The following CYTH3 variants were observed in gnomAD, a reference collection of about 807,000 sequenced individuals.
CYTH3 encodes cytohesin 3.
Under a neutral mutation model 55.1 loss-of-function variants are expected in CYTH3, and 23 were observed. The observed-to-expected ratio is 0.42, with a 90% CI of 0.30 to 0.59. CYTH3 has a LOEUF of 0.59. Ranked by LOEUF, CYTH3 falls within the 20% of genes least tolerant of loss-of-function variation. The pLI, the probability that CYTH3 is intolerant of heterozygous loss-of-function variation, is 0.20. For missense variants in CYTH3, 413 were observed against 524.8 expected (o/e 0.79, Z 2.08); for synonymous variants, 249 against 194.9 (o/e 1.28, Z -2.31).
intron 4 of CYTH3, among the ~76,000 whole-genome samples, chr7:6,186,367 C>G (rs1224259066): frequency 6.6e-6 from 1 of 152,002 alleles, no homozygotes; most frequent in Non-Finnish European, 1.5e-5. Flanking sequence ...AGACTCAGGT[C>G]TACCCTTCTT....
chr7:6,191,260 C>G (rs1395600424), intron 1 of CYTH3, among the ~76,000 whole-genome samples: 1 of 151,878 alleles, frequency 6.6e-6, no homozygotes, highest in Non-Finnish European at 1.5e-5. Flanking sequence ...CCAGCCTGAG[C>G]AAGATGGTGA....
chr7:6,259,205 A>C (rs1224018045), intron 1 of CYTH3, among the ~76,000 whole-genome samples: 1 of 152,226 alleles, frequency 6.6e-6, no homozygotes, highest in Non-Finnish European at 1.5e-5. Flanking sequence ...GAAAAAAATC[A>C]CTAATTACCT....
intron 1 of CYTH3, among the ~76,000 whole-genome samples, chr7:6,261,327 G>A (rs1002892481): frequency 5.9e-5 from 9 of 152,160 alleles, no homozygotes; most frequent in Admixed American, 5.2e-4. Context: ...AGTAGAAGAG[G>A]CCCTGGGAAG....
intron 1 of CYTH3, among the ~76,000 whole-genome samples, chr7:6,240,216 T>C (rs570358884): frequency 6.6e-5 from 10 of 150,850 alleles, no homozygotes; most frequent in South Asian, 2.1e-4. Flanking sequence ...TGAGGCAGAA[T>C]TGCTTCAGCC....
At chr7:6,183,757 G>C (rs1366843641) in intron 4 of CYTH3, among the ~76,000 whole-genome samples, 6 of 151,704 alleles carry the variant, frequency 4.0e-5, no homozygotes, top group Non-Finnish European at 7.4e-5. Flanking sequence ...TTCATATGTT[G>C]AAGCCCAAAC....
At chr7:6,178,006 A>G (rs1783392051) in intron 4 of CYTH3, 65 bp from the exon 5 acceptor site, 2 of 1,243,330 alleles carry the variant, frequency 1.6e-6, no homozygotes, top group East Asian at 4.7e-5. Flanking sequence ...TCAAAGACAG[A>G]AATACACTTA....
Position 6,237,802 on chromosome 7 carries a change from C to T in CYTH3, c.34+34672G>A, listed in dbSNP as rs139031101. ...GTTCCACGTATATGTCCAAGCAATA[C>T]ACAGAAACTTGACTACTACTTGTAA... On this transcript the variant is annotated intron_variant, in intron 1 of 12. Coordinates refer to ENST00000350796, the MANE Select transcript of CYTH3 (RefSeq NM_004227.4). Among the ~76,000 whole-genome samples, 333 of 152,274 alleles carry T rather than the reference C, an allele frequency of 2.2e-3. 2 individuals are homozygous for T. Among genetic ancestry groups the T allele is most frequent in the African/African-American group, 7.7e-3 (319 of 41,540 alleles).
rs757248746 is a variant in CYTH3 at position 6,170,494 on chromosome 7, C to A, written c.823+41G>T. Reference sequence around the variant, plus strand: ...GAACCCGAGGGGCTGCTGCCATGGGCAGAGGGGTCACGCCCGGGTCCCGCT... The same window carrying A: ...GAACCCGAGGGGCTGCTGCCATGGGAAGAGGGGTCACGCCCGGGTCCCGCT... On this transcript the variant is annotated intron_variant, in intron 9 of 12. Coordinates refer to ENST00000350796, the MANE Select transcript of CYTH3 (RefSeq NM_004227.4). This position sits in a 1 kb window ranked among gnomAD's most constrained non-coding sequence, Gnocchi z 7.8. The A allele has an allele frequency of 6.3e-7, 1 of 1,584,284 alleles. No individual in the cohort carries two copies. Among genetic ancestry groups the A allele is most frequent in the South Asian group, 1.1e-5 (1 of 89,290 alleles).
intron 1 of CYTH3, among the ~76,000 whole-genome samples, chr7:6,252,064 C>T (rs1779985190): frequency 6.6e-6 from 1 of 152,130 alleles, no homozygotes; most frequent in Non-Finnish European, 1.5e-5. Context: ...TAAGACAGAG[C>T]AGAAGATGCA....
chr7:6,230,338 G>C (rs569415466), intron 1 of CYTH3, among the ~76,000 whole-genome samples: 1 of 152,150 alleles, frequency 6.6e-6, no homozygotes, highest in Non-Finnish European at 1.5e-5. Context: ...CCATAAAGCA[G>C]AGTCTCAGGC....
intron 6 of CYTH3, chr7:6,173,193 G>A (rs1204768481): frequency 1.2e-5 from 5 of 401,586 alleles, no homozygotes; most frequent in African/African-American, 8.6e-5. Flanking sequence ...GTGCAGGAAG[G>A]GCAGCTCAAG....
intron 1 of CYTH3, among the ~76,000 whole-genome samples, chr7:6,272,081 G>T (rs564374158): frequency 6.6e-6 from 1 of 152,316 alleles, no homozygotes; most frequent in Admixed American, 6.5e-5. Context: ...TGAGCTGAAA[G>T]GGGGCGTCCG....
intron 1 of CYTH3, among the ~76,000 whole-genome samples, chr7:6,239,847 C>T (rs902660245): frequency 3.3e-5 from 5 of 152,134 alleles, no homozygotes; most frequent in Admixed American, 2.0e-4. Flanking sequence ...AACTAACACA[C>T]TTGAATGGTA....
intron 1 of CYTH3, among the ~76,000 whole-genome samples, chr7:6,263,128 C>G (rs190883635): frequency 6.6e-6 from 1 of 152,252 alleles, no homozygotes. Context: ...CATTCCATCC[C>G]ATAACAAGAG....
intron 1 of CYTH3, among the ~76,000 whole-genome samples, chr7:6,250,548 G>C (rs1470166467): frequency 1.3e-5 from 2 of 152,114 alleles, no homozygotes; most frequent in Non-Finnish European, 2.9e-5. Context: ...CTGGGAAAAT[G>C]ACTCATGCCA....
At chr7:6,261,841 G>A (rs1346612595) in intron 1 of CYTH3, among the ~76,000 whole-genome samples, 2 of 151,948 alleles carry the variant, frequency 1.3e-5, no homozygotes, top group Admixed American at 6.6e-5. Context: ...AAGCTCAACA[G>A]GCATATCTAG....
intron 4 of CYTH3, among the ~76,000 whole-genome samples, chr7:6,184,152 C>G (rs1783578724): frequency 6.7e-6 from 1 of 148,790 alleles, no homozygotes; most frequent in Non-Finnish European, 1.5e-5. Context: ...GCTCCACCTC[C>G]CGGGTTCACG....
intron 1 of CYTH3, among the ~76,000 whole-genome samples, chr7:6,259,785 A>ATATATATATATAT (rs1780268496): frequency 4.8e-4 from 7 of 14,460 alleles, no homozygotes; most frequent in South Asian, 4.8e-3. Flanking sequence ...TATATATATA[A>ATATATATATATAT]TATATATATA....
chr7:6,255,539 T>C (rs1780075544), intron 1 of CYTH3, among the ~76,000 whole-genome samples: 1 of 151,962 alleles, frequency 6.6e-6, no homozygotes, highest in African/African-American at 2.4e-5. Context: ...GAGTCGGCCG[T>C]GAAGAAGCTG....
Sources: gnomAD v4.1 joint callset for allele counts (sites outside exome capture counted in the v4.1 genomes callset) on GRCh38, gnomAD v4.1.1 for gene constraint, Gnocchi (gnomAD v3.1) non-coding constraint, MANE v1.5 for transcripts, NCBI Gene and HGNC (gene_info 2026-07-23, HGNC 2026-07-21) for gene names.